Variants in ALG6 observed in about 807,000 individuals in gnomAD.
ALG6 encodes dolichyl pyrophosphate Man9GlcNAc2 alpha-1,3-glucosyltransferase.
A neutral mutation model predicts 66.6 loss-of-function variants in ALG6; 46 were observed. The ratio of observed to expected loss-of-function variants is 0.69; its 90% CI spans 0.55 to 0.88. The LOEUF is 0.88. Among genes scored for constraint, ALG6 ranks in the 40% least tolerant of loss-of-function variants. ALG6 has a pLI of 0.00. For synonymous variants in ALG6, 185 were observed against 203.7 expected, an observed-to-expected ratio of 0.91 and a Z score of 0.78; for missense variants, 505 against 586.8, an observed-to-expected ratio of 0.86 and a Z score of 1.44.
chr1:63,432,500 C>T (rs1037192984), intron 14 of ALG6, among the ~76,000 whole-genome samples: 1 of 152,164 alleles, frequency 6.6e-6, no homozygotes, highest in Admixed American at 6.5e-5. Context: ...ATATTTAAGG[C>T]ATATCACATT....
chr1:63,421,099 A>G (rs1644570735), intron 12 of ALG6, among the ~76,000 whole-genome samples: 1 of 152,032 alleles, frequency 6.6e-6, no homozygotes, highest in African/African-American at 2.4e-5. Context: ...AATAAATACC[A>G]TGATGGAGAA....
chr1:63,377,897 C>A (rs1037036148), intron 2 of ALG6, among the ~76,000 whole-genome samples: 2 of 152,072 alleles, frequency 1.3e-5, no homozygotes, highest in African/African-American at 4.8e-5. Flanking sequence ...CCACACCCAG[C>A]TAAATATATG....
At chr1:63,400,321 G>GTATATATATATATATACGTA (rs66490327) in intron 3 of ALG6, among the ~76,000 whole-genome samples, 1 of 21,720 alleles carries the variant, frequency 4.6e-5, no homozygotes, top group Non-Finnish European at 7.7e-5. Context: ...ATATATATAC[G>GTATATATATATATATACGTA]TATATATATA....
At chr1:63,436,329 T>C (rs1193310359) in intron 14 of ALG6, among the ~76,000 whole-genome samples, 1 of 152,178 alleles carries the variant, frequency 6.6e-6, no homozygotes, top group Non-Finnish European at 1.5e-5. Flanking sequence ...TTTCTAGCTA[T>C]TTTAAAATGT....
chr1:63,389,741 G>C (rs1648612152), intron 2 of ALG6, among the ~76,000 whole-genome samples: 1 of 152,152 alleles, frequency 6.6e-6, no homozygotes, highest in African/African-American at 2.4e-5. Flanking sequence ...TATTCAAAGG[G>C]AGTTGAGTGT....
intron 7 of ALG6, among the ~76,000 whole-genome samples, chr1:63,407,998 AT>A (rs766011712): frequency 7.2e-5 from 11 of 152,170 alleles, no homozygotes; most frequent in Non-Finnish European, 1.5e-4. Context: ...AAAGGAAAAA[AT>A]GTTATCTACC....
chr1:63,382,448 C>T (rs1648348362), intron 2 of ALG6, among the ~76,000 whole-genome samples: 1 of 151,528 alleles, frequency 6.6e-6, no homozygotes, highest in Admixed American at 6.6e-5. Flanking sequence ...AGTGATCTGC[C>T]CGCCTCAGCG....
At chr1:63,370,070 G>A (rs1347009124) in intron 1 of ALG6, among the ~76,000 whole-genome samples, 2 of 151,752 alleles carry the variant, frequency 1.3e-5, no homozygotes, top group Admixed American at 6.6e-5. Context: ...TGCCCACCTC[G>A]GCTTCCCAAA....
chr1:63,397,630 T>G (rs899413487), intron 3 of ALG6, among the ~76,000 whole-genome samples: 1 of 152,238 alleles, frequency 6.6e-6, no homozygotes, highest in Non-Finnish European at 1.5e-5. Context: ...CATAGACATT[T>G]TTGTTAATTA....
chr1:63,412,716 CTTG>C (rs574582176), intron 9 of ALG6, among the ~76,000 whole-genome samples: 1 of 152,034 alleles, frequency 6.6e-6, no homozygotes, highest in Non-Finnish European at 1.5e-5. Flanking sequence ...TTTAATCACT[CTTG>C]TTAAACTTTT....
chr1:63,405,445 GAGAACAA>G (rs1385470638), intron 5 of ALG6, among the ~76,000 whole-genome samples: 1 of 152,126 alleles, frequency 6.6e-6, no homozygotes, highest in African/African-American at 2.4e-5. Context: ...TAGGGTTACA[GAGAACAA>G]GTCTGATCCC....
intron 2 of ALG6, among the ~76,000 whole-genome samples, chr1:63,381,289 C>A (rs1381295736): frequency 2.0e-5 from 3 of 152,118 alleles, no homozygotes; most frequent in Non-Finnish European, 4.4e-5. Context: ...CCCGTCTCTA[C>A]TAAAAATACA....
intron 2 of ALG6, among the ~76,000 whole-genome samples, chr1:63,385,789 C>G (rs1050828231): frequency 2.0e-5 from 3 of 152,166 alleles, no homozygotes; most frequent in African/African-American, 7.2e-5. Flanking sequence ...TTCTTCCTTT[C>G]CAGTTTGGGT....
At chr1:63,387,495 C>A (rs935143158) in intron 2 of ALG6, among the ~76,000 whole-genome samples, 1 of 143,984 alleles carries the variant, frequency 6.9e-6, no homozygotes. Context: ...CTGAATTGAC[C>A]CGTTTGTCAT....
intron 2 of ALG6, among the ~76,000 whole-genome samples, chr1:63,376,034 A>C (rs1234406344): frequency 1.3e-5 from 2 of 152,176 alleles, no homozygotes; most frequent in Non-Finnish European, 2.9e-5. Flanking sequence ...TTATTAGTAC[A>C]GTCATGCATT....
At chr1:63,375,776 T>C (rs1648103396) in intron 2 of ALG6, among the ~76,000 whole-genome samples, 1 of 152,186 alleles carries the variant, frequency 6.6e-6, no homozygotes, top group African/African-American at 2.4e-5. Context: ...TGATTTAATT[T>C]GTTTATTGGT....
At chr1:63,396,424 C>T (rs1648828087) in intron 2 of ALG6, 89 bp from the exon 3 acceptor site, 1 of 1,143,094 alleles carries the variant, frequency 8.7e-7, no homozygotes, top group Non-Finnish European at 1.3e-6. Flanking sequence ...TACACTGCCT[C>T]TCTAATTTAG....
Position 63,436,961 on chromosome 1 carries a change from T to G in ALG6, c.1465T>G (p.Phe489Val), listed in dbSNP as rs145152115. 152 of 1,613,588 alleles carry G rather than the reference T, an allele frequency of 9.4e-5. No homozygotes were observed. Among genetic ancestry groups the G allele is most frequent in the East Asian group, 4.2e-4 (19 of 44,870 alleles). ...CLNFLFFLVY[F>V]NIIIMWDSKS... ...GAACTTCCTGTTCTTCTTGGTATAC[T>G]TTAACATTATTATTATGTGGGATTC... is the stretch of plus-strand genomic sequence containing the variant. The change falls in exon 15 of 15, where the codon TTT becomes GTT. Residue 489 changes from phenylalanine (F) to valine (V), a missense_variant. Phe to Val is a conservative substitution (Grantham distance 50). Coordinates refer to ENST00000263440, the MANE Select transcript of ALG6 (RefSeq NM_013339.4).
chr1:63,382,224 T>C (rs1648336650), intron 2 of ALG6, among the ~76,000 whole-genome samples: 2 of 151,802 alleles, frequency 1.3e-5, no homozygotes, highest in East Asian at 1.9e-4. Flanking sequence ...TTTTTTGAAA[T>C]GGAGTCTTGC....
Sources: gnomAD v4.1 joint callset for allele counts (sites outside exome capture counted in the v4.1 genomes callset) on GRCh38, gnomAD v4.1.1 for gene constraint, MANE v1.5 for transcripts, NCBI Gene and HGNC (gene_info 2026-07-23, HGNC 2026-07-21) for gene names.